The following BAIAP2L1 variants were observed in gnomAD, a reference collection of about 807,000 sequenced individuals.
BAIAP2L1 encodes the protein BAR/IMD domain containing adaptor protein 2 like 1, also known as BAR/IMD domain-containing adapter protein 2-like 1.
BAIAP2L1 carries 35 observed loss-of-function variants against 66.3 expected under a neutral mutation model. The ratio of observed to expected loss-of-function variants is 0.53; its 90% CI spans 0.40 to 0.70. The LOEUF (loss-of-function observed/expected upper bound fraction) is 0.70, where lower values mean the gene tolerates loss of function less well. BAIAP2L1 is among the 30% of genes least tolerant of loss of function. The pLI is 0.00. For synonymous variants in BAIAP2L1, 269 were observed against 248.7 expected (o/e 1.08, Z -0.77); for missense variants, 622 against 656.9 (o/e 0.95, Z 0.58).
chr7:98,302,533 C>T (rs770434486), intron 12 of BAIAP2L1, among the ~76,000 whole-genome samples: 1 of 152,314 alleles, frequency 6.6e-6, no homozygotes, highest in South Asian at 2.1e-4. Flanking sequence ...CAGCAACAGA[C>T]TCTGAGCAGG....
intron 10 of BAIAP2L1, chr7:98,306,769 G>T (rs1584433272): frequency 4.1e-6 from 2 of 489,146 alleles, no homozygotes; most frequent in East Asian, 8.5e-5. Context: ...GTGCAGTGGT[G>T]CGATCATAGC....
At chr7:98,298,482 G>A (rs971738970) in intron 12 of BAIAP2L1, among the ~76,000 whole-genome samples, 3 of 151,900 alleles carry the variant, frequency 2.0e-5, no homozygotes, top group South Asian at 2.1e-4. Flanking sequence ...GCGTAGTGGC[G>A]GGCGCCTGTA....
chr7:98,292,329 C>G lies in BAIAP2L1; in HGVS notation c.*1192G>C. ...CTCTGCCTCCCGGGTTCAAGTGATTCTCCTGCCTCAGCCTCCTGAGTGGCG... is the reference window on the plus strand; with the variant it reads ...CTCTGCCTCCCGGGTTCAAGTGATTGTCCTGCCTCAGCCTCCTGAGTGGCG... On this transcript the variant is annotated 3_prime_UTR_variant, in exon 14 of 14. Coordinates refer to ENST00000005260, the MANE Select transcript of BAIAP2L1 (RefSeq NM_018842.5). 2.8e-6 allele frequency: 1 copy of G among 357,198 alleles called. No homozygotes were observed. Among genetic ancestry groups the G allele is most frequent in the South Asian group, 3.1e-5 (1 of 32,232 alleles). The allele number at this position is 357,198 out of a possible 1,614,324, so 22.1% of individuals were successfully genotyped here. A position where few individuals can be genotyped will look rare whatever the true frequency, so the allele number is the denominator to read the frequency against.
chr7:98,316,503 T>A (rs1252121428), intron 6 of BAIAP2L1, among the ~76,000 whole-genome samples: 1 of 152,204 alleles, frequency 6.6e-6, no homozygotes, highest in African/African-American at 2.4e-5. Context: ...AGCCTTCAGC[T>A]CTCAGTCAAA....
intron 1 of BAIAP2L1, among the ~76,000 whole-genome samples, chr7:98,392,414 G>A (rs1042777934): frequency 1.3e-5 from 2 of 152,142 alleles, no homozygotes; most frequent in Non-Finnish European, 2.9e-5. Flanking sequence ...GCAGACAACA[G>A]CATCATTTGG....
intron 3 of BAIAP2L1, among the ~76,000 whole-genome samples, chr7:98,347,794 T>C (rs1801907906): frequency 6.6e-6 from 1 of 151,114 alleles, no homozygotes; most frequent in African/African-American, 2.4e-5. Flanking sequence ...AAAAAGAAAT[T>C]AGAAAAAGAG....
intron 3 of BAIAP2L1, among the ~76,000 whole-genome samples, chr7:98,339,454 G>T (rs1251673201): frequency 1.3e-5 from 2 of 152,202 alleles, no homozygotes; most frequent in African/African-American, 4.8e-5. Context: ...AGTACATAGG[G>T]AAGTGCATTT....
chr7:98,363,018 G>A lies in BAIAP2L1; in HGVS notation c.52-586C>T, dbSNP rs914522821. On this transcript the variant is annotated intron_variant, in intron 1 of 13. Coordinates refer to ENST00000005260, the MANE Select transcript of BAIAP2L1 (RefSeq NM_018842.5). ...GCCTGGAAACTTCTGGATGTCCCTG[G>A]CATTTTTTCTTTTTTTTTTTTTTTT... Among the ~76,000 whole-genome samples, 3 of 146,246 alleles carry A rather than the reference G, an allele frequency of 2.1e-5. No individual in the cohort carries two copies. In the East Asian group the frequency reaches 6.0e-4, roughly 29 times the overall value.
chr7:98,334,836 T>G (rs62478174), intron 3 of BAIAP2L1, among the ~76,000 whole-genome samples: 59,982 of 147,216 alleles, frequency 0.41, 13,036 homozygotes, highest in Middle Eastern at 0.55. Flanking sequence ...GTGAGCCACC[T>G]TGCCTGGCCA....
intron 1 of BAIAP2L1, among the ~76,000 whole-genome samples, chr7:98,382,558 A>G (rs577937729): frequency 6.6e-6 from 1 of 152,310 alleles, no homozygotes; most frequent in South Asian, 2.1e-4. Context: ...ACATTTGCCT[A>G]TGAATGGAAT....
At chr7:98,338,294 C>T (rs1224719949) in intron 3 of BAIAP2L1, among the ~76,000 whole-genome samples, 4 of 152,018 alleles carry the variant, frequency 2.6e-5, no homozygotes, top group Admixed American at 6.6e-5. Flanking sequence ...CGGTGGCGGG[C>T]GCCTGTGGTC....
intron 1 of BAIAP2L1, among the ~76,000 whole-genome samples, chr7:98,382,442 T>C: frequency 6.6e-6 from 1 of 152,016 alleles, no homozygotes; most frequent in South Asian, 2.1e-4. Flanking sequence ...GGCCAGGAGT[T>C]TGAAACCAGC....
chr7:98,357,714 G>A (rs1355954807), intron 2 of BAIAP2L1, among the ~76,000 whole-genome samples: 1 of 151,788 alleles, frequency 6.6e-6, no homozygotes, highest in Non-Finnish European at 1.5e-5. Flanking sequence ...AATGTAAAAA[G>A]AACAATAGCA....
intron 1 of BAIAP2L1, among the ~76,000 whole-genome samples, chr7:98,397,592 G>A (rs915883254): frequency 6.6e-6 from 1 of 152,116 alleles, no homozygotes; most frequent in African/African-American, 2.4e-5. Flanking sequence ...CTCCCAAAGT[G>A]CTGGGATTAC....
At chr7:98,314,722 C>T (rs910264480) in intron 7 of BAIAP2L1, among the ~76,000 whole-genome samples, 9 of 152,082 alleles carry the variant, frequency 5.9e-5, no homozygotes, top group Admixed American at 3.9e-4. Flanking sequence ...CAGAGCTGCC[C>T]GTGACCCCCG....
intron 7 of BAIAP2L1, among the ~76,000 whole-genome samples, chr7:98,314,976 T>C (rs1801020174): frequency 6.6e-6 from 1 of 152,264 alleles, no homozygotes; most frequent in South Asian, 2.1e-4. Flanking sequence ...ACATGGACGT[T>C]TGACCATTTC....
At chr7:98,379,005 A>G (rs1057241527) in intron 1 of BAIAP2L1, among the ~76,000 whole-genome samples, 3 of 151,900 alleles carry the variant, frequency 2.0e-5, no homozygotes, top group African/African-American at 2.4e-5. Flanking sequence ...AATTTTTTGT[A>G]TTTTTAGTAG....
intron 1 of BAIAP2L1, among the ~76,000 whole-genome samples, chr7:98,393,407 G>A (rs999506438): frequency 1.8e-4 from 27 of 151,976 alleles, no homozygotes; most frequent in African/African-American, 6.0e-4. Context: ...ACTGGAGCTC[G>A]GAGTGGGGTG....
At chr7:98,338,016 T>C (rs991380435) in intron 3 of BAIAP2L1, among the ~76,000 whole-genome samples, 2 of 152,242 alleles carry the variant, frequency 1.3e-5, no homozygotes, top group African/African-American at 4.8e-5. Context: ...TACCCCATAT[T>C]GGCATACTTA....
Sources: allele counts gnomAD v4.1 joint callset (sites outside exome capture counted in the v4.1 genomes callset), GRCh38; gene constraint gnomAD v4.1.1; transcripts MANE v1.5; gene names NCBI Gene and HGNC (gene_info 2026-07-23, HGNC 2026-07-21).